GRID2: variants seen among roughly 807,000 people sequenced by gnomAD.
GRID2 encodes the protein glutamate ionotropic receptor delta type subunit 2.
GRID2 carries 33 observed loss-of-function variants against 114.8 expected under a neutral mutation model. The observed-to-expected ratio is 0.29, with a 90% CI of 0.22 to 0.38. GRID2 has a LOEUF of 0.38. Ranked by LOEUF, GRID2 falls within the 10% of genes least tolerant of loss-of-function variation. The pLI is 1.00. For missense variants in GRID2, 1,184 were observed against 1,257.7 expected (o/e 0.94, Z 0.89); for synonymous variants, 505 against 449.9 (o/e 1.12, Z -1.55).
chr4:92,759,108 A>G (rs1254729700), intron 2 of GRID2, among the ~76,000 whole-genome samples: 1 of 152,172 alleles, frequency 6.6e-6, no homozygotes, highest in African/African-American at 2.4e-5. Flanking sequence ...TTCTAGAAAA[A>G]CCATGGAATT....
chr4:92,857,520 G>A (rs1162714886), intron 2 of GRID2, among the ~76,000 whole-genome samples: 1 of 152,190 alleles, frequency 6.6e-6, no homozygotes, highest in Non-Finnish European at 1.5e-5. Flanking sequence ...TTAAGTCAAA[G>A]CCCTAATGCA....
intron 8 of GRID2, among the ~76,000 whole-genome samples, chr4:93,270,661 T>C (rs536602430): frequency 1.7e-4 from 26 of 152,164 alleles, no homozygotes; most frequent in African/African-American, 5.8e-4. Context: ...TGGAGTCTCA[T>C]TCTACTGCCC....
chr4:92,920,051 T>C (rs1278841803), intron 2 of GRID2, among the ~76,000 whole-genome samples: 1 of 152,192 alleles, frequency 6.6e-6, no homozygotes, highest in Non-Finnish European at 1.5e-5. Flanking sequence ...TGCATATGTA[T>C]TTAGGATAGT....
At chr4:93,427,581 A>G (rs1317255214) in intron 10 of GRID2, among the ~76,000 whole-genome samples, 1 of 152,032 alleles carries the variant, frequency 6.6e-6, no homozygotes, top group African/African-American at 2.4e-5. Context: ...AATGTTGGAA[A>G]GTGAGCTCTG....
At chr4:92,387,607 G>A (rs1730026905) in intron 1 of GRID2, among the ~76,000 whole-genome samples, 1 of 151,992 alleles carries the variant, frequency 6.6e-6, no homozygotes, top group African/African-American at 2.4e-5. Context: ...AGGAACATGA[G>A]TAAGAATGTA....
chr4:93,072,590 C>A (rs1204875110), intron 2 of GRID2, among the ~76,000 whole-genome samples: 1 of 151,012 alleles, frequency 6.6e-6, no homozygotes, highest in Non-Finnish European at 1.5e-5. Flanking sequence ...CTCTGCAGGC[C>A]CATTTTTATG....
intron 2 of GRID2, among the ~76,000 whole-genome samples, chr4:92,862,393 G>A (rs1232825594): frequency 6.6e-6 from 1 of 151,876 alleles, no homozygotes; most frequent in African/African-American, 2.4e-5. Flanking sequence ...ACATTCACTT[G>A]GGTGTAATCT....
intron 1 of GRID2, among the ~76,000 whole-genome samples, chr4:92,534,261 T>C (rs931907787): frequency 6.6e-6 from 1 of 152,182 alleles, no homozygotes; most frequent in African/African-American, 2.4e-5. Flanking sequence ...CTTTTACATT[T>C]ACATATTTAA....
chr4:93,651,821 A>C (rs1722604726), intron 14 of GRID2, among the ~76,000 whole-genome samples: 1 of 152,150 alleles, frequency 6.6e-6, no homozygotes. Context: ...AATGCCAGAC[A>C]CTATGGTAGG....
intron 13 of GRID2, among the ~76,000 whole-genome samples, chr4:93,551,875 G>T (rs186561876): frequency 2.8e-4 from 43 of 152,166 alleles, no homozygotes; most frequent in African/African-American, 1.0e-3. Flanking sequence ...ATATTTAAAT[G>T]TGTTTTTTAA....
chr4:93,411,750 C>T (rs146944325), intron 9 of GRID2, among the ~76,000 whole-genome samples: 1 of 151,980 alleles, frequency 6.6e-6, no homozygotes, highest in African/African-American at 2.4e-5. Context: ...ATATTTTTAA[C>T]AGATGTGATC....
At chr4:93,414,198 G>A (rs1007254416) in intron 9 of GRID2, among the ~76,000 whole-genome samples, 1 of 152,068 alleles carries the variant, frequency 6.6e-6, no homozygotes, top group African/African-American at 2.4e-5. Flanking sequence ...CCATTTTACT[G>A]CCAAGTCACT....
chr4:93,413,371 T>G (rs1409345569), intron 9 of GRID2, among the ~76,000 whole-genome samples: 1 of 152,220 alleles, frequency 6.6e-6, no homozygotes. Context: ...TCTTTTCATA[T>G]GTTTATTGGT....
chr4:93,235,441 C>T (rs1746667749), intron 7 of GRID2, among the ~76,000 whole-genome samples: 1 of 152,042 alleles, frequency 6.6e-6, no homozygotes, highest in South Asian at 2.1e-4. Context: ...TACCCCTTGG[C>T]TAGCACACAT....
At chr4:92,459,625 TATAC>T (rs1349781734) in intron 1 of GRID2, among the ~76,000 whole-genome samples, 1 of 152,186 alleles carries the variant, frequency 6.6e-6, no homozygotes, top group Non-Finnish European at 1.5e-5. Context: ...TAAAAATGTG[TATAC>T]ATACATCTTG....
At position 93,300,689 on chromosome 4, in the gene GRID2, C is replaced by T. The variant is rs1274992582; in HGVS notation, c.1245+62199C>T. ...TAGCAGGACGAGCCGCAGACAAAAC[C>T]TCTCAGACACCGAGTTGTAGACGGT... On this transcript the variant is annotated intron_variant, in intron 8 of 15. Coordinates refer to ENST00000282020, the MANE Select transcript of GRID2 (RefSeq NM_001510.4). 3.9e-5 allele frequency among the ~76,000 whole-genome samples: 6 copies of T among 152,286 alleles called. 1 individual carries two copies. Among genetic ancestry groups the T allele is most frequent in the Admixed American group, 1.3e-4 (2 of 15,290 alleles).
intron 1 of GRID2, among the ~76,000 whole-genome samples, chr4:92,321,650 C>A (rs1348925255): frequency 1.3e-5 from 2 of 152,088 alleles, no homozygotes; most frequent in Non-Finnish European, 2.9e-5. Context: ...AGGGTCTCAG[C>A]ATCTTTTTCT....
At chr4:93,700,833 T>G (rs756767164) in intron 14 of GRID2, among the ~76,000 whole-genome samples, 11 of 152,122 alleles carry the variant, frequency 7.2e-5, no homozygotes, top group Non-Finnish European at 1.2e-4. Context: ...GGATTGCACG[T>G]GTGTGCCATA....
At chr4:92,403,761 TCTTC>T (rs1730904495) in intron 1 of GRID2, among the ~76,000 whole-genome samples, 5 of 151,968 alleles carry the variant, frequency 3.3e-5, no homozygotes, top group Admixed American at 3.3e-4. Flanking sequence ...GACATGTCAC[TCTTC>T]CTATCACTTG....
Sources: gnomAD v4.1 joint callset for allele counts (sites outside exome capture counted in the v4.1 genomes callset) on GRCh38, gnomAD v4.1.1 for gene constraint, MANE v1.5 for transcripts, NCBI Gene and HGNC (gene_info 2026-07-23, HGNC 2026-07-21) for gene names.